DOCK5: variants seen among roughly 807,000 people sequenced by gnomAD.
The protein encoded by DOCK5 is dedicator of cytokinesis protein 5.
In DOCK5, 142 loss-of-function variants were observed where a neutral mutation model predicts 251.8. The ratio of observed to expected loss-of-function variants is 0.56; its 90% CI spans 0.49 to 0.65. The LOEUF is 0.65. Among genes scored for constraint, DOCK5 ranks in the 30% least tolerant of loss-of-function variants. DOCK5 has a pLI of 0.00. For synonymous variants in DOCK5, 842 were observed against 835.5 expected, an observed-to-expected ratio of 1.01 and a Z score of -0.13; for missense variants, 2,111 against 2,312.3, an observed-to-expected ratio of 0.91 and a Z score of 1.79.
intron 25 of DOCK5, among the ~76,000 whole-genome samples, chr8:25,342,905 C>T (rs1354105296): frequency 4.0e-5 from 6 of 151,300 alleles, no homozygotes; most frequent in Admixed American, 3.9e-4. Context: ...CGGGGTTTCA[C>T]CACGTTAGCC....
chr8:25,343,851 G>C (rs985028907), intron 25 of DOCK5, among the ~76,000 whole-genome samples: 1 of 152,178 alleles, frequency 6.6e-6, no homozygotes, highest in African/African-American at 2.4e-5. Flanking sequence ...TTTCGCCCAG[G>C]CTGGAATGCA....
At chr8:25,409,030 T>A in intron 50 of DOCK5, 90 bp downstream of exon 50, 1 of 1,554,982 alleles carries the variant, frequency 6.4e-7, no homozygotes, top group Non-Finnish European at 8.9e-7. Context: ...CCAGCCAGAA[T>A]GTATGTAAGA....
chr8:25,374,950 T>G, intron 37 of DOCK5: 1 of 1,230,616 alleles, frequency 8.1e-7, no homozygotes, highest in Non-Finnish European at 1.0e-6. Context: ...TAAAAAAATT[T>G]GTAAAACTGC....
At chr8:25,355,044 G>T (rs1800543203) in intron 27 of DOCK5, among the ~76,000 whole-genome samples, 1 of 152,144 alleles carries the variant, frequency 6.6e-6, no homozygotes, top group Non-Finnish European at 1.5e-5. Flanking sequence ...GACTAGTGTG[G>T]GCAACATAGC....
At position 25,187,843 on chromosome 8, in the gene DOCK5, C is replaced by G. The variant is rs115670172; in HGVS notation, c.43+2892C>G. Among the ~76,000 whole-genome samples, 1,020 of 152,262 alleles carry G rather than the reference C, an allele frequency of 6.7e-3. 13 individuals are homozygous for G. The highest frequency in any genetic ancestry group is 0.024 in the African/African-American group (985 of 41,550). ...CCCTGCCAGGAGTGCCCTCCCAACT[C>G]TGCCTCAGACAGCTCACCTTTCCTT... On this transcript the variant is annotated intron_variant, in intron 1 of 51. Coordinates refer to ENST00000276440, the MANE Select transcript of DOCK5 (RefSeq NM_024940.8).
At chr8:25,270,766 A>G (rs1305006441) in intron 3 of DOCK5, 7 of 708,582 alleles carry the variant, frequency 9.9e-6, no homozygotes, top group East Asian at 2.7e-5. Context: ...ATTTTTTAAT[A>G]TAGTCATTTC....
chr8:25,365,086 G>C (rs886216827), intron 30 of DOCK5, among the ~76,000 whole-genome samples: 1 of 152,218 alleles, frequency 6.6e-6, no homozygotes, highest in Non-Finnish European at 1.5e-5. Context: ...AATGAGTTTG[G>C]TTCTAAAGAA....
intron 1 of DOCK5, among the ~76,000 whole-genome samples, chr8:25,232,218 A>G (rs1802683255): frequency 6.6e-6 from 1 of 151,054 alleles, no homozygotes; most frequent in Admixed American, 6.6e-5. Context: ...CTACTTGGTA[A>G]TCTTGAACCA....
chr8:25,191,546 C>T (rs1801582320), intron 1 of DOCK5, among the ~76,000 whole-genome samples: 1 of 152,158 alleles, frequency 6.6e-6, no homozygotes, highest in East Asian at 1.9e-4. Flanking sequence ...ATGTCACCCA[C>T]ATAGAAGCTC....
intron 13 of DOCK5, 146 bp downstream of exon 13, chr8:25,310,678 G>C: frequency 1.1e-6 from 1 of 884,504 alleles, no homozygotes; most frequent in Non-Finnish European, 1.6e-6. Flanking sequence ...AGAGACACCT[G>C]CAATACTTAA....
chr8:25,361,202 A>AT (rs1800672561), intron 28 of DOCK5, among the ~76,000 whole-genome samples: 1 of 152,226 alleles, frequency 6.6e-6, no homozygotes, highest in Admixed American at 6.5e-5. Flanking sequence ...GAGAGTCTGT[A>AT]TCTGAAGCAA....
chr8:25,314,683 TATCC>T (rs57876180), intron 13 of DOCK5, among the ~76,000 whole-genome samples: 5 of 13,916 alleles, frequency 3.6e-4, no homozygotes, highest in Non-Finnish European at 8.9e-4. Flanking sequence ...TCCATGTATC[TATCC>T]ATCCATCCAT....
chr8:25,199,380 C>CTTTTTTTTT (rs564264937), intron 1 of DOCK5, among the ~76,000 whole-genome samples: 11 of 117,898 alleles, frequency 9.3e-5, no homozygotes, highest in South Asian at 2.7e-4. Flanking sequence ...CCGCTCTGTT[C>CTTTTTTTTT]TTTTTTTTTT....
chr8:25,342,524 A>C lies in DOCK5; in HGVS notation c.2617+17A>C. 1 of 1,550,150 alleles carries C rather than the reference A, an allele frequency of 6.5e-7. No individual in the cohort carries two copies. The highest frequency in any genetic ancestry group is 8.8e-7 in the Non-Finnish European group (1 of 1,141,096). On this transcript the variant is annotated intron_variant, in intron 25 of 51. Coordinates refer to ENST00000276440, the MANE Select transcript of DOCK5 (RefSeq NM_024940.8). Reference sequence around the variant, plus strand: ...GACAGTCAGGTAAGTCTCCTTCAAAACTTGCTGCATGAGGTTGCAGTGAGC... The same window carrying C: ...GACAGTCAGGTAAGTCTCCTTCAAACCTTGCTGCATGAGGTTGCAGTGAGC...
In DOCK5 at chr8:25,351,824, A is replaced by G. The variant is rs1254656551; in HGVS notation, c.2848A>G (p.Ile950Val). The change falls in exon 27 of 52, where the codon ATC becomes GTC. Residue 950 changes from isoleucine to valine, a missense_variant and splice_region_variant. Physicochemically the swap from Ile to Val is conservative, Grantham distance 29. Around this residue, in one of 3 missense-constraint regions of DOCK5, gnomAD observed 1,717 missense variants for 1,892.4 expected, o/e 0.91. Coordinates refer to ENST00000276440, the MANE Select transcript of DOCK5 (RefSeq NM_024940.8). ...VIGMNRQSPH[I>V]GSFVACMIAL... The stretch of plus-strand genomic sequence containing the variant: ...TGGGATGAACCGGCAGTCTCCCCAC[A>G]TCGTGAGTATCTCTTTGTTGGATCC... 12 of 1,613,052 alleles carry G rather than the reference A, an allele frequency of 7.4e-6. No individual in the cohort carries two copies. The highest frequency in any genetic ancestry group is 1.0e-5 in the Non-Finnish European group (12 of 1,179,436).
chr8:25,330,424 C>G (rs1805657081), intron 18 of DOCK5, among the ~76,000 whole-genome samples: 1 of 152,186 alleles, frequency 6.6e-6, no homozygotes, highest in Non-Finnish European at 1.5e-5. Context: ...CCAAGTACAT[C>G]TTACCAAATA....
intron 34 of DOCK5, among the ~76,000 whole-genome samples, chr8:25,370,774 A>G (rs1459335191): frequency 6.6e-6 from 1 of 151,976 alleles, no homozygotes; most frequent in Non-Finnish European, 1.5e-5. Context: ...CCTAGTAGCT[A>G]GGACTGTAGG....
intron 1 of DOCK5, among the ~76,000 whole-genome samples, chr8:25,194,160 G>T (rs1044187164): frequency 1.3e-5 from 2 of 151,248 alleles, no homozygotes; most frequent in Non-Finnish European, 2.9e-5. Flanking sequence ...CAGGTGTGGC[G>T]GTGCTCACCT....
intron 1 of DOCK5, among the ~76,000 whole-genome samples, chr8:25,243,373 C>T (rs1287067830): frequency 2.0e-5 from 3 of 151,616 alleles, no homozygotes; most frequent in East Asian, 3.9e-4. Flanking sequence ...TTTTATCACC[C>T]AGGCTGGTGT....
Sources: allele counts gnomAD v4.1 joint callset (sites outside exome capture counted in the v4.1 genomes callset), GRCh38; gene constraint gnomAD v4.1.1; regional missense constraint gnomAD v4.1.1; transcripts MANE v1.5; gene names NCBI Gene and HGNC (gene_info 2026-07-23, HGNC 2026-07-21).